The following ATOSA variants were observed in gnomAD, a reference collection of about 807,000 sequenced individuals.
ATOSA encodes atos homolog A.
At chr15:52,606,711 CAAT>C in the ATOSA span, among the ~76,000 whole-genome samples, 1 of 152,100 alleles carries the variant, frequency 6.6e-6, no homozygotes, top group Non-Finnish European at 1.5e-5. Flanking sequence ...GTTTTTGTGA[CAAT>C]TATACTTTTA....
the ATOSA span, among the ~76,000 whole-genome samples, chr15:52,659,642 T>A: frequency 6.6e-6 from 1 of 152,058 alleles, no homozygotes; most frequent in East Asian, 1.9e-4. Flanking sequence ...CTGGGGCAAA[T>A]GAGCTATTTT....
chr15:52,626,953 A>G, the ATOSA span, among the ~76,000 whole-genome samples: 1 of 152,148 alleles, frequency 6.6e-6, no homozygotes, highest in African/African-American at 2.4e-5. Context: ...GTTGGTATCT[A>G]ATTCCCAATC....
chr15:52,621,510 CA>C, the ATOSA span, among the ~76,000 whole-genome samples: 1 of 152,196 alleles, frequency 6.6e-6, no homozygotes, highest in Non-Finnish European at 1.5e-5. Flanking sequence ...TGTCCCCACC[CA>C]AATCCCACTT....
the ATOSA span, among the ~76,000 whole-genome samples, chr15:52,683,774 G>A: frequency 6.6e-6 from 1 of 152,174 alleles, no homozygotes; most frequent in African/African-American, 2.4e-5. Context: ...GAGAGCATAC[G>A]TTCTTACCCA....
the ATOSA span, among the ~76,000 whole-genome samples, chr15:52,672,026 C>T: frequency 0.055 from 8,401 of 151,430 alleles, 323 homozygotes; most frequent in Middle Eastern, 0.082. Flanking sequence ...TTTACCTATT[C>T]CATCCTGTTT....
At chr15:52,616,384 G>A in the ATOSA span, among the ~76,000 whole-genome samples, 1 of 152,218 alleles carries the variant, frequency 6.6e-6, no homozygotes, top group Non-Finnish European at 1.5e-5. Context: ...ATCACATAGA[G>A]CAAGATTTTA....
At chr15:52,696,090 G>A in the ATOSA span, among the ~76,000 whole-genome samples, 1 of 152,106 alleles carries the variant, frequency 6.6e-6, no homozygotes, top group Non-Finnish European at 1.5e-5. Flanking sequence ...TGTTTAAAAC[G>A]TTCACTCTGA....
chr15:52,609,245 T>C, the ATOSA span: 1 of 1,613,184 alleles, frequency 6.2e-7, no homozygotes, highest in Non-Finnish European at 8.5e-7. Flanking sequence ...ACTAAGTTTT[T>C]CCCATCACTG....
the ATOSA span, among the ~76,000 whole-genome samples, chr15:52,643,981 A>C: frequency 1.3e-5 from 2 of 152,150 alleles, no homozygotes; most frequent in Non-Finnish European, 2.9e-5. Context: ...CATATATGAA[A>C]GTCTTTAAAA....
the ATOSA span, among the ~76,000 whole-genome samples, chr15:52,702,996 AAACAGCCT>A: frequency 5.9e-5 from 9 of 152,288 alleles, no homozygotes; most frequent in Non-Finnish European, 1.3e-4. Flanking sequence ...CTCAAACTAG[AAACAGCCT>A]AAATGTCAAT....
chr15:52,616,586 A>C, the ATOSA span, among the ~76,000 whole-genome samples: 1 of 152,184 alleles, frequency 6.6e-6, no homozygotes, highest in South Asian at 2.1e-4. Context: ...TGTATATATA[A>C]AAGTGTGACC....
At chr15:52,640,259 T>C in the ATOSA span, among the ~76,000 whole-genome samples, 1 of 152,050 alleles carries the variant, frequency 6.6e-6, no homozygotes, top group African/African-American at 2.4e-5. Context: ...ATTACTCTTT[T>C]ATCTTTTACT....
chr15:52,668,032 A>C, the ATOSA span, among the ~76,000 whole-genome samples: 1 of 152,258 alleles, frequency 6.6e-6, no homozygotes, highest in Non-Finnish European at 1.5e-5. Context: ...CAGAACTACC[A>C]TATCATCCAG....
chr15:52,663,875 C>T, the ATOSA span, among the ~76,000 whole-genome samples: 31 of 152,098 alleles, frequency 2.0e-4, no homozygotes, highest in Admixed American at 2.0e-3. Flanking sequence ...ATCTTCCCAC[C>T]TCGGTAATCA....
At chr15:52,707,374 A>G in the ATOSA span, among the ~76,000 whole-genome samples, 2 of 152,270 alleles carry the variant, frequency 1.3e-5, no homozygotes, top group African/African-American at 4.8e-5. Flanking sequence ...ACACGTCTCC[A>G]GAAATGATAT....
At chr15:52,701,635 G>A in the ATOSA span, among the ~76,000 whole-genome samples, 2 of 152,078 alleles carry the variant, frequency 1.3e-5, no homozygotes, top group African/African-American at 4.8e-5. Context: ...AAGAAAACAG[G>A]CAAATTTCTC....
chr15:52,659,755 T>C, the ATOSA span, among the ~76,000 whole-genome samples: 5 of 152,128 alleles, frequency 3.3e-5, no homozygotes, highest in Admixed American at 2.0e-4. Flanking sequence ...AGGGTTATCA[T>C]AAAATTCATT....
the ATOSA span, chr15:52,608,576 C>T: frequency 1.3e-6 from 2 of 1,571,114 alleles, no homozygotes; most frequent in Non-Finnish European, 1.7e-6. Flanking sequence ...ACCAATACCT[C>T]TGTATTTTTT....
chr15:52,664,078 A>C, the ATOSA span, among the ~76,000 whole-genome samples: 48 of 152,326 alleles, frequency 3.2e-4, no homozygotes, highest in African/African-American at 1.1e-3. Context: ...TGAATCAACA[A>C]AGGAAATCGA....
Sources: allele counts gnomAD v4.1 joint callset (sites outside exome capture counted in the v4.1 genomes callset), GRCh38; gene constraint gnomAD v4.1.1; transcripts MANE v1.5; gene names NCBI Gene and HGNC (gene_info 2026-07-23, HGNC 2026-07-21).